Variants in SLC60A1 observed in about 807,000 individuals in gnomAD.
The protein encoded by SLC60A1 is major facilitator superfamily domain containing 4.
the SLC60A1 span, chr1:205,592,302 C>A: frequency 7.5e-6 from 12 of 1,600,868 alleles, no homozygotes; most frequent in South Asian, 4.4e-5. Context: ...GGGCCGGGCC[C>A]GAGCCAGGAG....
chr1:205,588,758 C>T, the SLC60A1 span, among the ~76,000 whole-genome samples: 1 of 152,222 alleles, frequency 6.6e-6, no homozygotes, highest in East Asian at 1.9e-4. Context: ...TGGAGCTCAA[C>T]AGCTACTTCC....
At chr1:205,578,823 AG>A in the SLC60A1 span, among the ~76,000 whole-genome samples, 4 of 152,308 alleles carry the variant, frequency 2.6e-5, no homozygotes, top group Non-Finnish European at 4.4e-5. Flanking sequence ...AATCTGAGAA[AG>A]TTCCTCTACA....
At chr1:205,573,789 C>T in the SLC60A1 span, among the ~76,000 whole-genome samples, 74 of 152,182 alleles carry the variant, frequency 4.9e-4, no homozygotes, top group Non-Finnish European at 1.8e-4. Flanking sequence ...CCCTGCCTCC[C>T]GGGTTCAAGC....
chr1:205,583,710 A>G, the SLC60A1 span, among the ~76,000 whole-genome samples: 1 of 152,192 alleles, frequency 6.6e-6, no homozygotes, highest in African/African-American at 2.4e-5. Context: ...TTTGCATGCG[A>G]CAAATATCTG....
the SLC60A1 span, chr1:205,598,950 TCCAGACACATCAACTTGAAACAAGG>T: frequency 1.3e-6 from 1 of 784,856 alleles, no homozygotes; most frequent in South Asian, 1.7e-5. Context: ...TTCGGCCTTC[TCCAGACACATCAACTTGAAACAAGG>T]CCAAGGCCTC....
At chr1:205,580,865 A>G in the SLC60A1 span, 2 of 1,614,076 alleles carry the variant, frequency 1.2e-6, no homozygotes, top group Non-Finnish European at 1.7e-6. The surrounding 1 kb of genome is among the most constrained non-coding windows in gnomAD (Gnocchi z 5.0). Flanking sequence ...GCTGACTCCA[A>G]AGGACGGGGC....
chr1:205,570,157 C>G, the SLC60A1 span, among the ~76,000 whole-genome samples: 1 of 152,192 alleles, frequency 6.6e-6, no homozygotes, highest in Non-Finnish European at 1.5e-5. Flanking sequence ...TATTGCAGAG[C>G]CTTATTCTCT....
the SLC60A1 span, among the ~76,000 whole-genome samples, chr1:205,572,806 G>A: frequency 6.6e-6 from 1 of 152,160 alleles, no homozygotes; most frequent in Non-Finnish European, 1.5e-5. Flanking sequence ...TCAACATGGG[G>A]CTATCATAGG....
the SLC60A1 span, among the ~76,000 whole-genome samples, chr1:205,574,445 A>C: frequency 7.9e-5 from 12 of 152,254 alleles, no homozygotes; most frequent in South Asian, 1.2e-3. Context: ...CCCTATCTCA[A>C]AAACCAAAAC....
chr1:205,584,197 A>G, the SLC60A1 span: 87 of 1,196,924 alleles, frequency 7.3e-5, no homozygotes, highest in Middle Eastern at 1.2e-3. Flanking sequence ...TCCCAGAGAG[A>G]GTGAACCTAG....
the SLC60A1 span, among the ~76,000 whole-genome samples, chr1:205,573,909 C>A: frequency 0.04 from 6,053 of 151,882 alleles, 377 homozygotes; most frequent in African/African-American, 0.14. Flanking sequence ...GTTGGCCAGG[C>A]TGCCCTCGAA....
the SLC60A1 span, among the ~76,000 whole-genome samples, chr1:205,584,439 G>T: frequency 2.0e-5 from 3 of 151,244 alleles, no homozygotes; most frequent in Non-Finnish European, 2.9e-5. Flanking sequence ...GGCCAGGCTG[G>T]TCTCAAACTC....
At chr1:205,598,028 C>T in the SLC60A1 span, 22 of 607,540 alleles carry the variant, frequency 3.6e-5, no homozygotes, top group Non-Finnish European at 6.2e-5. Context: ...GCCCTGAGAG[C>T]TGAGCCTCCA....
chr1:205,597,159 A>G, the SLC60A1 span, among the ~76,000 whole-genome samples: 1 of 152,244 alleles, frequency 6.6e-6, no homozygotes, highest in Non-Finnish European at 1.5e-5. Context: ...GGTAGCAGTC[A>G]GAATGGGAAT....
At chr1:205,589,664 C>A in the SLC60A1 span, among the ~76,000 whole-genome samples, 5 of 152,014 alleles carry the variant, frequency 3.3e-5, no homozygotes, top group Non-Finnish European at 7.4e-5. Context: ...GTTGCCCAGG[C>A]TGGTCTTGAA....
At chr1:205,589,889 G>A in the SLC60A1 span, among the ~76,000 whole-genome samples, 1 of 152,196 alleles carries the variant, frequency 6.6e-6, no homozygotes. Flanking sequence ...GATGGATCTG[G>A]AGCAGTACAA....
the SLC60A1 span, among the ~76,000 whole-genome samples, chr1:205,590,048 G>T: frequency 6.6e-6 from 1 of 152,196 alleles, no homozygotes; most frequent in African/African-American, 2.4e-5. Flanking sequence ...TGCAGGAGTA[G>T]GATTGGCAGA....
chr1:205,601,331 T>C, the SLC60A1 span: 1 of 152,200 alleles, frequency 6.6e-6, no homozygotes, highest in Non-Finnish European at 1.5e-5. Flanking sequence ...TGATAGCATG[T>C]TGGTAGCTTG....
chr1:205,577,681 A>G, the SLC60A1 span, among the ~76,000 whole-genome samples: 1 of 151,976 alleles, frequency 6.6e-6, no homozygotes, highest in Admixed American at 6.5e-5. The surrounding 1 kb of genome is among the most constrained non-coding windows in gnomAD (Gnocchi z 5.2). Flanking sequence ...CTGCATTTGC[A>G]CCTTCTGAGT....
Sources: gnomAD v4.1 joint callset for allele counts (sites outside exome capture counted in the v4.1 genomes callset) on GRCh38, gnomAD v4.1.1 for gene constraint, Gnocchi (gnomAD v3.1) non-coding constraint, MANE v1.5 for transcripts, NCBI Gene and HGNC (gene_info 2026-07-23, HGNC 2026-07-21) for gene names.